The following TAFA1 variants were observed in gnomAD, a reference collection of about 807,000 sequenced individuals.
TAFA1 encodes chemokine-like protein TAFA-1.
TAFA1 carries 4 observed loss-of-function variants against 18.5 expected under a neutral mutation model. The ratio of observed to expected loss-of-function variants is 0.22; its 90% CI spans 0.11 to 0.49. TAFA1 has a LOEUF of 0.49. TAFA1 is among the 20% of genes least tolerant of loss of function. The probability of loss-of-function intolerance (pLI) is 0.98; values close to 1 mark genes in which losing one functional copy is unlikely to be tolerated. For missense variants in TAFA1, 147 were observed against 169.0 expected, an observed-to-expected ratio of 0.87 and a Z score of 0.72; for synonymous variants, 56 against 55.2, an observed-to-expected ratio of 1.01 and a Z score of -0.06.
chr3:68,174,225 T>A (rs1473678396), intron 2 of TAFA1, among the ~76,000 whole-genome samples: 1 of 152,158 alleles, frequency 6.6e-6, no homozygotes, highest in Non-Finnish European at 1.5e-5. Context: ...TAAAAGATAA[T>A]TGTGGTCCAT....
chr3:68,030,761 C>A (rs1218980620), intron 2 of TAFA1, among the ~76,000 whole-genome samples: 1 of 152,078 alleles, frequency 6.6e-6, no homozygotes, highest in East Asian at 1.9e-4. Context: ...GATTTATAAT[C>A]CTTTGGGTAT....
At chr3:68,432,258 T>C (rs1411948120) in intron 3 of TAFA1, among the ~76,000 whole-genome samples, 1 of 152,000 alleles carries the variant, frequency 6.6e-6, no homozygotes, top group South Asian at 2.1e-4. Flanking sequence ...TTAAACGTAT[T>C]ACCCTCTTGG....
chr3:67,995,855 C>T, the TAFA1 span, among the ~76,000 whole-genome samples: 1 of 152,196 alleles, frequency 6.6e-6, no homozygotes. Flanking sequence ...CCCTGCTCAG[C>T]CCACTGCCAA....
chr3:68,060,194 G>A (rs1393053529), intron 2 of TAFA1, among the ~76,000 whole-genome samples: 1 of 143,000 alleles, frequency 7.0e-6, no homozygotes, highest in African/African-American at 2.5e-5. Flanking sequence ...CTGTGTGTGT[G>A]TGTGTGTGTT....
intron 2 of TAFA1, among the ~76,000 whole-genome samples, chr3:68,012,469 C>T (rs1024924196): frequency 2.0e-5 from 3 of 152,032 alleles, no homozygotes; most frequent in African/African-American, 4.8e-5. Flanking sequence ...TGTTACATTG[C>T]TGAGTGGAGA....
chr3:68,336,144 T>A (rs2068966272), intron 2 of TAFA1, among the ~76,000 whole-genome samples: 1 of 152,226 alleles, frequency 6.6e-6, no homozygotes, highest in Non-Finnish European at 1.5e-5. Flanking sequence ...AAGAACATAA[T>A]GTCTACCTTG....
intron 2 of TAFA1, among the ~76,000 whole-genome samples, chr3:68,166,191 T>C (rs1036552308): frequency 7.9e-5 from 12 of 152,210 alleles, no homozygotes; most frequent in Admixed American, 5.2e-4. Context: ...TAAGGTCTTA[T>C]TTGCAGGGAC....
At chr3:68,285,007 G>C (rs1362875096) in intron 2 of TAFA1, among the ~76,000 whole-genome samples, 1 of 152,134 alleles carries the variant, frequency 6.6e-6, no homozygotes, top group Non-Finnish European at 1.5e-5. Context: ...AGGATCACTT[G>C]AGCCCAGGAG....
At chr3:68,297,868 G>T (rs1026974890) in intron 2 of TAFA1, among the ~76,000 whole-genome samples, 11 of 151,850 alleles carry the variant, frequency 7.2e-5, no homozygotes, top group Admixed American at 4.6e-4. Context: ...AACTTAATTA[G>T]ATCAATTATT....
intron 3 of TAFA1, among the ~76,000 whole-genome samples, chr3:68,485,030 T>G (rs567955462): frequency 3.3e-5 from 5 of 152,300 alleles, no homozygotes; most frequent in African/African-American, 1.2e-4. Context: ...GATAGGAAGA[T>G]TATTAGAATT....
chr3:68,234,738 C>T (rs181972666), intron 2 of TAFA1, among the ~76,000 whole-genome samples: 1 of 152,166 alleles, frequency 6.6e-6, no homozygotes, highest in Admixed American at 6.5e-5. Context: ...CCTTGAGAAG[C>T]AAAGAAACCA....
intron 2 of TAFA1, among the ~76,000 whole-genome samples, chr3:68,064,755 A>G (rs1007616888): frequency 6.6e-6 from 1 of 151,586 alleles, no homozygotes; most frequent in African/African-American, 2.4e-5. Flanking sequence ...GAAGTATCCT[A>G]TTGTGGTTTA....
At chr3:68,531,181 A>G (rs1029411401) in intron 3 of TAFA1, among the ~76,000 whole-genome samples, 1 of 152,136 alleles carries the variant, frequency 6.6e-6, no homozygotes, top group Admixed American at 6.5e-5. Context: ...TGGGTTAGTG[A>G]TAATACCTAC....
intron 2 of TAFA1, among the ~76,000 whole-genome samples, chr3:68,236,437 T>C (rs1030561831): frequency 1.1e-4 from 17 of 152,344 alleles, no homozygotes; most frequent in Non-Finnish European, 1.5e-4. Context: ...CCAAAATACT[T>C]GGCTAAAGCC....
chr3:68,535,409 T>G (rs2073262072), intron 3 of TAFA1, among the ~76,000 whole-genome samples: 1 of 151,568 alleles, frequency 6.6e-6, no homozygotes, highest in Non-Finnish European at 1.5e-5. Flanking sequence ...AACTTTAAAC[T>G]CTCAATCATT....
intron 2 of TAFA1, among the ~76,000 whole-genome samples, chr3:68,094,024 T>G (rs77138824): frequency 0.011 from 1,696 of 152,264 alleles, 40 homozygotes; most frequent in African/African-American, 0.039. Flanking sequence ...GGACTCAAAA[T>G]AAATCTAATT....
At chr3:68,466,788 G>A (rs1264473335) in intron 3 of TAFA1, among the ~76,000 whole-genome samples, 2 of 152,270 alleles carry the variant, frequency 1.3e-5, no homozygotes, top group South Asian at 4.1e-4. Flanking sequence ...ATATTTCAAC[G>A]TAGGTTCTTT....
At chr3:68,452,965 G>A (rs2071591578) in intron 3 of TAFA1, among the ~76,000 whole-genome samples, 1 of 152,110 alleles carries the variant, frequency 6.6e-6, no homozygotes. Flanking sequence ...TGTCAATCAT[G>A]GGCTCATCTA....
intron 2 of TAFA1, among the ~76,000 whole-genome samples, chr3:68,180,422 T>C (rs758672821): frequency 2.7e-4 from 41 of 152,236 alleles, no homozygotes; most frequent in Admixed American, 1.7e-3. Context: ...AGATAGCTAG[T>C]AACAAGAGGT....
Sources: gnomAD v4.1 joint callset for allele counts (sites outside exome capture counted in the v4.1 genomes callset) on GRCh38, gnomAD v4.1.1 for gene constraint, MANE v1.5 for transcripts, NCBI Gene and HGNC (gene_info 2026-07-23, HGNC 2026-07-21) for gene names.